NAB1: variants seen among roughly 807,000 people sequenced by gnomAD.
NAB1 encodes the protein NGFI-A binding protein 1, also known as NGFI-A-binding protein 1.
A neutral mutation model predicts 49.9 loss-of-function variants in NAB1; 25 were observed. The ratio of observed to expected loss-of-function variants is 0.50; its 90% CI spans 0.37 to 0.70. The LOEUF (loss-of-function observed/expected upper bound fraction) is 0.70, where lower values mean the gene tolerates loss of function less well. Among genes scored for constraint, NAB1 ranks in the 30% least tolerant of loss-of-function variants. The pLI is 0.00. For synonymous variants in NAB1, 198 were observed against 215.6 expected, an observed-to-expected ratio of 0.92 and a Z score of 0.71; for missense variants, 489 against 575.9, an observed-to-expected ratio of 0.85 and a Z score of 1.54.
In NAB1 at chr2:190,669,753, AAT is replaced by A. The variant is rs1346601123; in HGVS notation, c.820-572_820-571del. Among the ~76,000 whole-genome samples the A allele has an allele frequency of 2.6e-5, 4 of 152,198 alleles. No individual in the cohort carries two copies. Among genetic ancestry groups the A allele is most frequent in the African/African-American group, 9.7e-5 (4 of 41,450 alleles). On this transcript the variant is annotated intron_variant, in intron 4 of 9. Coordinates refer to ENST00000337386, the MANE Select transcript of NAB1 (RefSeq NM_005966.4). The surrounding 1 kb of genome is among the most constrained non-coding windows in gnomAD (Gnocchi z 4.3). ...TATTGGCAATATTTAATAATTACTGAATTATGAAAGGGTGGTAGAATTAGATG... is the reference window on the plus strand; with the variant it reads ...TATTGGCAATATTTAATAATTACTGATATGAAAGGGTGGTAGAATTAGATG...
Position 190,670,670 on chromosome 2 carries a change from C to G in NAB1, c.953+211C>G, listed in dbSNP as rs530534703. On this transcript the variant is annotated intron_variant, in intron 5 of 9. Coordinates refer to ENST00000337386, the MANE Select transcript of NAB1 (RefSeq NM_005966.4). The surrounding 1 kb of genome is among the most constrained non-coding windows in gnomAD (Gnocchi z 5.3). ...GTTCTCTTTTGAAAGGCATCATTCT[C>G]TAGTTACTATAGCATTGTTCTGGTA... 6.6e-6 allele frequency among the ~76,000 whole-genome samples: 1 copy of G among 152,296 alleles called. No individual in the cohort carries two copies. Among genetic ancestry groups the G allele is most frequent in the South Asian group, 2.1e-4 (1 of 4,828 alleles).
chr2:190,675,881 T>C lies in NAB1; in HGVS notation c.1005+2729T>C, dbSNP rs186324907. ...CGTGTGTGTGTCTTGTGTGTATGTA[T>C]ACCTACACATGTAGATGGTGTAATC... On this transcript the variant is annotated intron_variant, in intron 6 of 9. Coordinates refer to ENST00000337386, the MANE Select transcript of NAB1 (RefSeq NM_005966.4). This position sits in a 1 kb window ranked among gnomAD's most constrained non-coding sequence, Gnocchi z 5.2. Among the ~76,000 whole-genome samples the C allele has an allele frequency of 1.4e-3, 212 of 152,334 alleles. No homozygotes were observed. Among genetic ancestry groups the C allele is most frequent in the African/African-American group, 4.7e-3 (197 of 41,562 alleles).
At position 190,690,468 on chromosome 2, in the gene NAB1, T is replaced by G; in HGVS notation, c.*135T>G. On this transcript the variant is annotated 3_prime_UTR_variant, in exon 10 of 10. Transcript: ENST00000337386. ...TTCATAGCCAAAGCAAAAGGACTGG[T>G]ACGGTAGTCTGTGGAAACCAGGAAG... 3.1e-6 allele frequency: 2 copies of G among 643,704 alleles called. No individual in the cohort carries two copies. The highest frequency in any genetic ancestry group is 5.4e-6 in the Non-Finnish European group (2 of 370,450). The allele number at this position is 643,704 out of a possible 1,614,324, so 39.9% of individuals were successfully genotyped here. A position where few individuals can be genotyped will look rare whatever the true frequency, so the allele number is the denominator to read the frequency against.
chr2:190,662,387 CTT>C (rs201737455), intron 4 of NAB1, among the ~76,000 whole-genome samples: 50 of 146,454 alleles, frequency 3.4e-4, no homozygotes, highest in Admixed American at 1.0e-3. Flanking sequence ...TTAAGCCCCT[CTT>C]TTTTTTTTTT....
rs1347721992 is a variant in NAB1, at chr2:190,680,921, T to A, written c.1006-2817T>A. The stretch of plus-strand genomic sequence containing the variant: ...TATTTTTCATGAATTTTCTGCTTCC[T>A]TAAAATGATTCTGCAAGTTAAGTAC... On this transcript the variant is annotated intron_variant, in intron 6 of 9. Transcript: ENST00000337386. This position sits in a 1 kb window ranked among gnomAD's most constrained non-coding sequence, Gnocchi z 5.2. Among the ~76,000 whole-genome samples the A allele has an allele frequency of 3.9e-5, 6 of 152,218 alleles. No homozygotes were observed. The highest frequency in any genetic ancestry group is 1.4e-4 in the African/African-American group (6 of 41,446).
At chr2:190,658,972 A>G (rs147602466) in intron 3 of NAB1, 186 bp from the exon 4 acceptor site, 3 of 498,160 alleles carry the variant, frequency 6.0e-6, no homozygotes, top group Non-Finnish European at 1.1e-5. Flanking sequence ...CAGTTTAGTT[A>G]CTGACCTATA....
At chr2:190,683,587 A>C in intron 6 of NAB1, 151 bp from the exon 7 acceptor site, 1 of 580,458 alleles carries the variant, frequency 1.7e-6, no homozygotes, top group East Asian at 2.9e-5. Context: ...ATGTTTCATA[A>C]AAGGCTGAAA....
rs142107451 is a variant in NAB1 at position 190,688,747 on chromosome 2, C to T, written c.1375+1430C>T. ...CCGAATGAAGAAATGCCTGAAAAAG[C>T]GTCTTTCTTTCTCTTTTTCTTTCTT... On this transcript the variant is annotated intron_variant, in intron 9 of 9. Coordinates refer to ENST00000337386, the MANE Select transcript of NAB1 (RefSeq NM_005966.4). Among the ~76,000 whole-genome samples the T allele has an allele frequency of 3.8e-4, 58 of 151,952 alleles. No homozygotes were observed. In the East Asian group the frequency reaches 0.01, roughly 27 times the overall value.
At position 190,661,709 on chromosome 2, in the gene NAB1, A is replaced by G. The variant is rs578262411; in HGVS notation, c.819+1714A>G. ...ATGAGACCATGAATTTCACAAAATA[A>G]GGAAATACTCAAAATGAATGCCAGT... On this transcript the variant is annotated intron_variant, in intron 4 of 9. Coordinates refer to ENST00000337386, the MANE Select transcript of NAB1 (RefSeq NM_005966.4). 1.2e-4 allele frequency among the ~76,000 whole-genome samples: 18 copies of G among 152,344 alleles called. No homozygotes were observed. The East Asian group carries it at 3.3e-3, about 28-fold the overall frequency.
chr2:190,666,563 G>T lies in NAB1; in HGVS notation c.820-3763G>T, dbSNP rs1446431443. ...CTGTACTAAAAATACAAAAAAATTG[G>T]CTGGGCATGGTGGCACATGCCTGTA... is the stretch of plus-strand genomic sequence containing the variant. On this transcript the variant is annotated intron_variant, in intron 4 of 9. Coordinates refer to ENST00000337386, the MANE Select transcript of NAB1 (RefSeq NM_005966.4). The surrounding 1 kb of genome is among the most constrained non-coding windows in gnomAD (Gnocchi z 5.6). Among the ~76,000 whole-genome samples, 1 of 152,094 alleles carries T rather than the reference G, an allele frequency of 6.6e-6. No homozygotes were observed. Among genetic ancestry groups the T allele is most frequent in the Non-Finnish European group, 1.5e-5 (1 of 68,034 alleles).
chr2:190,659,893 C>A lies in NAB1; in HGVS notation c.717C>A (p.Asn239Lys). 1 of 1,614,134 alleles carries A rather than the reference C, an allele frequency of 6.2e-7. No homozygotes were observed. The highest frequency in any genetic ancestry group is 1.1e-5 in the South Asian group (1 of 91,088). The change falls in exon 4 of 10, where the codon AAC (asparagine) becomes AAA (lysine). Residue 239 changes from asparagine (N) to lysine (K), a missense_variant. Around this residue, in one of 4 missense-constraint regions of NAB1, gnomAD observed 204 missense variants for 220.9 expected, o/e 0.92. Coordinates refer to ENST00000337386, the MANE Select transcript of NAB1 (RefSeq NM_005966.4). The surrounding 1 kb of genome is among the most constrained non-coding windows in gnomAD (Gnocchi z 6.2). The part of the protein sequence containing the change: ...AKMIGHIFEM[N>K]DDDPHKEEEI... The stretch of plus-strand genomic sequence containing the variant: ...TGATTGGTCACATCTTTGAGATGAA[C>A]GATGATGATCCACACAAAGAGGAGG...
intron 4 of NAB1, among the ~76,000 whole-genome samples, chr2:190,660,232 CTT>C (rs36049417): frequency 0.21 from 31,997 of 152,130 alleles, 3,493 homozygotes; most frequent in Non-Finnish European, 0.25. Context: ...TACGAGGTGA[CTT>C]TTAGAAAAAT....
At chr2:190,668,012 C>T (rs1244371764) in intron 4 of NAB1, among the ~76,000 whole-genome samples, 1 of 152,040 alleles carries the variant, frequency 6.6e-6, no homozygotes, top group Admixed American at 6.5e-5. Context: ...TAAGAAAAAC[C>T]TTTAGTTTCA....
intron 7 of NAB1, 60 bp downstream of exon 7, chr2:190,683,887 C>G: frequency 2.4e-6 from 3 of 1,275,046 alleles, no homozygotes; most frequent in Admixed American, 4.0e-5. Context: ...AAATAAATGA[C>G]TACTTCAACT....
chr2:190,687,406 A>G, intron 9 of NAB1, 89 bp downstream of exon 9: 1 of 623,610 alleles, frequency 1.6e-6, no homozygotes. Context: ...AAAAAAAAAA[A>G]AAAAAAAAAA....
In NAB1 at chr2:190,670,988, A is replaced by G. The variant is rs1694775908; in HGVS notation, c.953+529A>G. 6.6e-6 allele frequency among the ~76,000 whole-genome samples: 1 copy of G among 152,230 alleles called. No individual in the cohort carries two copies. Among genetic ancestry groups the G allele is most frequent in the South Asian group, 2.1e-4 (1 of 4,832 alleles). ...AAATAAAACGTGATGTTAAAAAGCA[A>G]TGGTGGTTTCAAAATTTAATGTAAA... On this transcript the variant is annotated intron_variant, in intron 5 of 9. Transcript: ENST00000337386. The surrounding 1 kb of genome is among the most constrained non-coding windows in gnomAD (Gnocchi z 5.3).
At chr2:190,683,587 A>G in intron 6 of NAB1, 151 bp from the exon 7 acceptor site, 1 of 580,458 alleles carries the variant, frequency 1.7e-6, no homozygotes, top group Non-Finnish European at 3.0e-6. Flanking sequence ...ATGTTTCATA[A>G]AAGGCTGAAA....
At chr2:190,681,987 G>A (rs1173331063) in intron 6 of NAB1, among the ~76,000 whole-genome samples, 1 of 152,134 alleles carries the variant, frequency 6.6e-6, no homozygotes, top group Non-Finnish European at 1.5e-5. Flanking sequence ...AATTGTAAAT[G>A]CTAATTTCTG....
In NAB1 at chr2:190,669,705, T is replaced by C. The variant is rs2125713032; in HGVS notation, c.820-621T>C. Among the ~76,000 whole-genome samples the C allele has an allele frequency of 6.6e-6, 1 of 151,620 alleles. No homozygotes were observed. Among genetic ancestry groups the C allele is most frequent in the South Asian group, 2.1e-4 (1 of 4,822 alleles). On this transcript the variant is annotated intron_variant, in intron 4 of 9. Coordinates refer to ENST00000337386, the MANE Select transcript of NAB1 (RefSeq NM_005966.4). The surrounding 1 kb of genome is among the most constrained non-coding windows in gnomAD (Gnocchi z 4.3). Reference sequence around the variant, plus strand: ...AGGGTAACAAAATTTTAGTACAAAGTGTTTGGTCAACTAGCAACTCTATAT... The same window carrying C: ...AGGGTAACAAAATTTTAGTACAAAGCGTTTGGTCAACTAGCAACTCTATAT...
Sources: gnomAD v4.1 joint callset for allele counts (sites outside exome capture counted in the v4.1 genomes callset) on GRCh38, gnomAD v4.1.1 for gene constraint, gnomAD v4.1.1 regional missense constraint, Gnocchi (gnomAD v3.1) non-coding constraint, MANE v1.5 for transcripts, NCBI Gene and HGNC (gene_info 2026-07-23, HGNC 2026-07-21) for gene names.